Variants in ARHGAP21 observed in about 807,000 individuals in gnomAD.
ARHGAP21 encodes the protein Rho GTPase activating protein 21, also known as rho GTPase-activating protein 21.
In ARHGAP21, 38 loss-of-function variants were observed where a neutral mutation model predicts 164.6. The observed-to-expected ratio is 0.23, with a 90% CI of 0.18 to 0.30. The LOEUF (loss-of-function observed/expected upper bound fraction) is 0.30. ARHGAP21 is among the 10% of genes least tolerant of loss of function. ARHGAP21 has a pLI of 1.00. For missense variants in ARHGAP21, 1,822 were observed against 2,370.7 expected (o/e 0.77, Z 4.81); for synonymous variants, 766 against 857.9 (o/e 0.89, Z 1.87).
At chr10:24,696,554 G>C (rs1843195490) in intron 2 of ARHGAP21, among the ~76,000 whole-genome samples, 1 of 152,170 alleles carries the variant, frequency 6.6e-6, no homozygotes, top group Non-Finnish European at 1.5e-5. Context: ...ACTCGAGGCA[G>C]TAAAATGTGA....
intron 4 of ARHGAP21, among the ~76,000 whole-genome samples, chr10:24,645,538 T>C (rs1017319718): frequency 1.3e-5 from 2 of 151,390 alleles, no homozygotes; most frequent in South Asian, 2.1e-4. Flanking sequence ...GAGCCAAGAT[T>C]GTGCTGCTAT....
intron 21 of ARHGAP21, among the ~76,000 whole-genome samples, chr10:24,593,537 A>C (rs1207956672): frequency 1.3e-5 from 2 of 152,014 alleles, no homozygotes; most frequent in African/African-American, 4.8e-5. Context: ...TCCTACATAA[A>C]ACTGGTAAAA....
chr10:24,597,445 A>T lies in ARHGAP21; in HGVS notation c.3334+2T>A. On this transcript the variant is annotated splice_donor_variant, in intron 16 of 25. Transcript: ENST00000396432. LOFTEE classifies it high-confidence loss of function. ...TATTTGTTAGAAAGCTAACATCAAT[A>T]CCTTTACTGAGAAGTTTCCTTTCCG... is the stretch of plus-strand genomic sequence containing the variant. The T allele has an allele frequency of 6.2e-7, 1 of 1,609,718 alleles. No individual in the cohort carries two copies. The highest frequency in any genetic ancestry group is 8.5e-7 in the Non-Finnish European group (1 of 1,178,936).
At chr10:24,587,845 G>C (rs544512979) in intron 25 of ARHGAP21, among the ~76,000 whole-genome samples, 58 of 152,302 alleles carry the variant, frequency 3.8e-4, no homozygotes, top group Admixed American at 2.3e-3. Context: ...CTTTTCTACA[G>C]AGACTGTTTG....
Position 24,585,655 on chromosome 10 carries a change from T to A in ARHGAP21, c.4634A>T (p.Asp1545Val), listed in dbSNP as rs370382688. Residue 1545 changes from aspartate (D) to valine (V), a missense_variant, in exon 26 of 26, where the codon GAC becomes GTC. Physicochemically the swap from Asp to Val is radical, Grantham distance 152. Coordinates refer to ENST00000396432, the MANE Select transcript of ARHGAP21 (RefSeq NM_020824.4). ...AGACGTGCTGAGCAAAGTGCCAGAG[T>A]CAGAGCCTGTCTCTTCAAGGTGGGA... ...KSSHLEETGS[D>V]SGTLLSTSSQ... is the part of the protein sequence containing the mutation. 2.2e-5 allele frequency: 36 copies of A among 1,613,912 alleles called. No homozygotes were observed. The highest frequency in any genetic ancestry group is 2.3e-5 in the Non-Finnish European group (27 of 1,179,988).
At chr10:24,642,107 CTT>C (rs1837098599) in intron 4 of ARHGAP21, among the ~76,000 whole-genome samples, 1 of 152,130 alleles carries the variant, frequency 6.6e-6, no homozygotes, top group East Asian at 1.9e-4. Context: ...TCAATCTTGT[CTT>C]GTTTCATTGA....
Position 24,607,538 on chromosome 10 carries a change from T to A in ARHGAP21, c.2645A>T (p.Tyr882Phe). Residue 882 changes from tyrosine (Y) to phenylalanine (F), a missense_variant, in exon 11 of 26, where the codon TAT becomes TTT. Physicochemically the swap from Tyr to Phe is conservative, Grantham distance 22. This residue lies in a region of ARHGAP21 where 1,090 missense variants were observed against 1,378.9 expected (regional missense o/e 0.79). Coordinates refer to ENST00000396432, the MANE Select transcript of ARHGAP21 (RefSeq NM_020824.4). Reference sequence around the variant, plus strand: ...TCTGTAATCATCCAGACCCTCATCATATGATTTTGATCTTTCTGTCTTTGA... The same window carrying A: ...TCTGTAATCATCCAGACCCTCATCAAATGATTTTGATCTTTCTGTCTTTGA... ...PNSKTERSKS[Y>F]DEGLDDYRED... The A allele has an allele frequency of 6.2e-7, 1 of 1,613,942 alleles. No homozygotes were observed. Among genetic ancestry groups the A allele is most frequent in the Non-Finnish European group, 8.5e-7 (1 of 1,180,018 alleles).
intron 2 of ARHGAP21, among the ~76,000 whole-genome samples, chr10:24,713,593 A>G (rs1845061043): frequency 6.6e-6 from 1 of 151,980 alleles, no homozygotes; most frequent in African/African-American, 2.4e-5. Context: ...AGATAACTAG[A>G]AGAGGACTTA....
At chr10:24,690,869 C>T (rs1391586735) in intron 2 of ARHGAP21, among the ~76,000 whole-genome samples, 5 of 149,678 alleles carry the variant, frequency 3.3e-5, no homozygotes, top group East Asian at 1.9e-4. Context: ...TATATATATA[C>T]ACACACACAC....
intron 24 of ARHGAP21, chr10:24,590,885 T>G (rs2076297222): frequency 2.0e-6 from 2 of 981,738 alleles, no homozygotes; most frequent in Non-Finnish European, 2.4e-6. Flanking sequence ...AACCACATAC[T>G]CAGTAGCATA....
In ARHGAP21 at chr10:24,597,581, T is replaced by C; in HGVS notation, c.3200A>G (p.Lys1067Arg). 6.2e-7 allele frequency: 1 copy of C among 1,613,874 alleles called. No individual in the cohort carries two copies. The highest frequency in any genetic ancestry group is 1.7e-5 in the Admixed American group (1 of 59,974). Residue 1067 changes from lysine (K) to arginine (R), a missense_variant and splice_region_variant, in exon 16 of 26, where the codon AAA becomes AGA. By Grantham distance (26) the Lys-to-Arg change is conservative. Around this residue, in one of 5 missense-constraint regions of ARHGAP21, gnomAD observed 1,090 missense variants for 1,378.9 expected, o/e 0.79. Coordinates refer to ENST00000396432, the MANE Select transcript of ARHGAP21 (RefSeq NM_020824.4). ...RIKEYNNLMS[K>R]AEQLPKTPRQ... ...AGGTGTTTTTGGCAACTGTTCTGCTTTGCTGTTGAAGGAAATGACATTTGT... is the reference window on the plus strand; with the variant it reads ...AGGTGTTTTTGGCAACTGTTCTGCTCTGCTGTTGAAGGAAATGACATTTGT...
intron 24 of ARHGAP21, 80 bp downstream of exon 24, chr10:24,591,145 C>T (rs1564957175): frequency 1.6e-5 from 20 of 1,212,146 alleles, no homozygotes; most frequent in South Asian, 4.3e-5. Flanking sequence ...AGTAACAATT[C>T]ACTATGATTG....
At position 24,628,961 on chromosome 10, in the gene ARHGAP21, TATATATATATATATATA is replaced by T. The variant is rs1835503661; in HGVS notation, c.495+1018_495+1034del. The stretch of plus-strand genomic sequence containing the variant: ...TATATACACACACACACTATATATA[TATATATATATATATATA>T]TATATTTTTTTTTTTTTTTTTTTTT... On this transcript the variant is annotated intron_variant, in intron 7 of 25. Transcript: ENST00000396432. 2.1e-4 allele frequency: 3 copies of T among 14,116 alleles called. 1 individual carries two copies. The highest frequency in any genetic ancestry group is 4.1e-4 in the Non-Finnish European group (3 of 7,344). 0.9% of individuals were successfully genotyped at this position (14,116 alleles called of 1,614,324 possible).
intron 4 of ARHGAP21, among the ~76,000 whole-genome samples, chr10:24,655,513 T>G (rs1466338486): frequency 2.0e-5 from 3 of 152,010 alleles, no homozygotes; most frequent in African/African-American, 7.2e-5. Context: ...AACAGACACA[T>G]GAAAAAATGC....
intron 14 of ARHGAP21, among the ~76,000 whole-genome samples, chr10:24,598,678 C>T (rs1465894708): frequency 6.6e-6 from 1 of 151,994 alleles, no homozygotes; most frequent in African/African-American, 2.4e-5. Context: ...CTGGGGTTCT[C>T]AATTTTTTTT....
chr10:24,593,185 A>AC (rs1364059871), intron 21 of ARHGAP21, among the ~76,000 whole-genome samples: 1 of 152,230 alleles, frequency 6.6e-6, no homozygotes, highest in Non-Finnish European at 1.5e-5. Context: ...CACACATACA[A>AC]CGACACCATC....
At chr10:24,629,951 A>G (rs1372328949) in intron 7 of ARHGAP21, 45 bp downstream of exon 7, 8 of 1,330,736 alleles carry the variant, frequency 6.0e-6, no homozygotes, top group Admixed American at 1.9e-5. Flanking sequence ...TTTTCCGAAC[A>G]TTCATGACTG....
At chr10:24,644,080 C>A (rs1837337149) in intron 4 of ARHGAP21, among the ~76,000 whole-genome samples, 1 of 152,116 alleles carries the variant, frequency 6.6e-6, no homozygotes, top group Non-Finnish European at 1.5e-5. Flanking sequence ...ACCTTGTCTC[C>A]CAGTTCACTC....
intron 2 of ARHGAP21, among the ~76,000 whole-genome samples, chr10:24,696,974 T>TG (rs1843230098): frequency 6.6e-6 from 1 of 152,146 alleles, no homozygotes; most frequent in African/African-American, 2.4e-5. Flanking sequence ...CCAGGGAGGA[T>TG]GTTAGGATCA....
Sources: allele counts gnomAD v4.1 joint callset (sites outside exome capture counted in the v4.1 genomes callset), GRCh38; gene constraint gnomAD v4.1.1; regional missense constraint gnomAD v4.1.1; transcripts MANE v1.5; gene names NCBI Gene and HGNC (gene_info 2026-07-23, HGNC 2026-07-21).